RAD51B: variants seen among roughly 807,000 people sequenced by gnomAD.
The protein encoded by RAD51B is DNA repair protein RAD51 homolog 2.
A neutral mutation model predicts 42.2 loss-of-function variants in RAD51B; 38 were observed. The ratio of observed to expected loss-of-function variants is 0.90; its 90% CI spans 0.70 to 1.18. The LOEUF (loss-of-function observed/expected upper bound fraction) is 1.18, where lower values mean the gene tolerates loss of function less well. Ranked by LOEUF, RAD51B falls within the 50% of genes most tolerant of loss-of-function variation. The pLI, the probability that RAD51B is intolerant of heterozygous loss-of-function variation, is 0.00. For synonymous variants in RAD51B, 154 were observed against 145.2 expected, an observed-to-expected ratio of 1.06 and a Z score of -0.43; for missense variants, 373 against 400.7, an observed-to-expected ratio of 0.93 and a Z score of 0.59.
intron 8 of RAD51B, among the ~76,000 whole-genome samples, chr14:68,349,895 G>T (rs950430658): frequency 6.6e-6 from 1 of 152,130 alleles, no homozygotes; most frequent in Admixed American, 6.5e-5. Context: ...TAATATCCTA[G>T]CTAGAAAGAA....
chr14:68,094,080 C>A (rs898930182), intron 7 of RAD51B, among the ~76,000 whole-genome samples: 5 of 152,170 alleles, frequency 3.3e-5, no homozygotes, highest in African/African-American at 1.2e-4. Context: ...AGTTGCATTT[C>A]TCTGATTACT....
At chr14:68,138,433 C>T (rs2078055072) in intron 7 of RAD51B, among the ~76,000 whole-genome samples, 1 of 152,048 alleles carries the variant, frequency 6.6e-6, no homozygotes, top group African/African-American at 2.4e-5. Context: ...AGGGCAATTA[C>T]CAAAGAACTT....
intron 7 of RAD51B, among the ~76,000 whole-genome samples, chr14:67,950,634 G>A (rs2140205491): frequency 6.6e-6 from 1 of 152,224 alleles, no homozygotes. Flanking sequence ...TTTTTTGTTT[G>A]TATTCACAGC....
chr14:68,027,047 T>C (rs1419158932), intron 7 of RAD51B, among the ~76,000 whole-genome samples: 1 of 152,158 alleles, frequency 6.6e-6, no homozygotes, highest in Non-Finnish European at 1.5e-5. Context: ...TGAAATGGAT[T>C]CCCTCAGCCT....
At chr14:68,343,773 C>T (rs1261566720) in intron 8 of RAD51B, among the ~76,000 whole-genome samples, 1 of 152,264 alleles carries the variant, frequency 6.6e-6, no homozygotes, top group African/African-American at 2.4e-5. Flanking sequence ...CAGGCCTGGG[C>T]CATTGCCCTG....
chr14:68,092,554 C>G (rs946508183), intron 7 of RAD51B, among the ~76,000 whole-genome samples: 6 of 152,126 alleles, frequency 3.9e-5, no homozygotes, highest in African/African-American at 1.4e-4. Flanking sequence ...GATTTTGTAT[C>G]CTGAGACTTT....
At chr14:68,518,321 G>A (rs866532353) in intron 10 of RAD51B, among the ~76,000 whole-genome samples, 1 of 152,186 alleles carries the variant, frequency 6.6e-6, no homozygotes, top group Non-Finnish European at 1.5e-5. Context: ...CACCTGACTG[G>A]GCTCAGCTCT....
chr14:67,984,997 T>A (rs1356783395), intron 7 of RAD51B, among the ~76,000 whole-genome samples: 2 of 152,188 alleles, frequency 1.3e-5, no homozygotes, highest in Admixed American at 6.5e-5. Flanking sequence ...AAACCACCGA[T>A]CTAATTGTCA....
intron 8 of RAD51B, among the ~76,000 whole-genome samples, chr14:68,367,937 G>A (rs959811061): frequency 4.6e-5 from 7 of 152,184 alleles, no homozygotes; most frequent in Non-Finnish European, 1.0e-4. Flanking sequence ...TGAGACCTCT[G>A]ACAATCACAT....
intron 4 of RAD51B, among the ~76,000 whole-genome samples, chr14:67,840,324 A>G (rs747846749): frequency 3.3e-5 from 5 of 152,000 alleles, no homozygotes; most frequent in Non-Finnish European, 7.4e-5. Context: ...GATTGTTCCC[A>G]TCTTTGTGTC....
intron 7 of RAD51B, among the ~76,000 whole-genome samples, chr14:67,916,321 G>A (rs1444043197): frequency 6.6e-6 from 1 of 151,550 alleles, no homozygotes; most frequent in African/African-American, 2.4e-5. Flanking sequence ...TCACTTTGTC[G>A]CTCAGGTTGG....
intron 10 of RAD51B, among the ~76,000 whole-genome samples, chr14:68,607,778 G>T (rs548425612): frequency 1.3e-5 from 2 of 152,228 alleles, no homozygotes; most frequent in African/African-American, 4.8e-5. Flanking sequence ...TCTAAGGAGG[G>T]CCAAAGCCAT....
intron 10 of RAD51B, among the ~76,000 whole-genome samples, chr14:68,630,752 C>G (rs568060976): frequency 6.6e-6 from 1 of 152,154 alleles, no homozygotes; most frequent in East Asian, 1.9e-4. Context: ...TGACCCATAC[C>G]ACCACCACCA....
intron 7 of RAD51B, among the ~76,000 whole-genome samples, chr14:68,290,068 G>A (rs1018323712): frequency 2.0e-5 from 3 of 152,184 alleles, no homozygotes; most frequent in Admixed American, 6.5e-5. Context: ...CATTGATATA[G>A]GATTTATAAT....
At chr14:67,983,259 A>T (rs1595203479) in intron 7 of RAD51B, among the ~76,000 whole-genome samples, 2 of 152,280 alleles carry the variant, frequency 1.3e-5, no homozygotes, top group East Asian at 3.9e-4. Context: ...TATTGTGCTT[A>T]ATTTATCATT....
chr14:68,300,415 G>T (rs1403240450), intron 8 of RAD51B, among the ~76,000 whole-genome samples: 1 of 151,798 alleles, frequency 6.6e-6, no homozygotes, highest in East Asian at 1.9e-4. Context: ...TTGCTATCCT[G>T]CCCAGGCTGG....
intron 7 of RAD51B, among the ~76,000 whole-genome samples, chr14:67,923,709 A>G (rs1158734319): frequency 6.6e-6 from 1 of 152,134 alleles, no homozygotes; most frequent in Non-Finnish European, 1.5e-5. Flanking sequence ...TGTCTTTTTC[A>G]TGTAATGACT....
At chr14:67,849,011 G>A (rs1261414612) in intron 4 of RAD51B, among the ~76,000 whole-genome samples, 1 of 152,110 alleles carries the variant, frequency 6.6e-6, no homozygotes, top group African/African-American at 2.4e-5. Flanking sequence ...CTTCCTTCAA[G>A]ACTTTTTTCT....
At chr14:67,932,412 G>C (rs146885678) in intron 7 of RAD51B, among the ~76,000 whole-genome samples, 1 of 152,274 alleles carries the variant, frequency 6.6e-6, no homozygotes, top group African/African-American at 2.4e-5. Context: ...AGGGATGCTA[G>C]GCAGGCCACT....
Sources: allele counts gnomAD v4.1 joint callset (sites outside exome capture counted in the v4.1 genomes callset), GRCh38; gene constraint gnomAD v4.1.1; transcripts MANE v1.5; gene names NCBI Gene and HGNC (gene_info 2026-07-23, HGNC 2026-07-21).